Variants in FAM163B observed in about 807,000 individuals in gnomAD.
FAM163B encodes the protein protein FAM163B.
Under a neutral mutation model 7.6 loss-of-function variants are expected in FAM163B, and 4 were observed. The observed-to-expected ratio is 0.52, with a 90% CI of 0.26 to 1.20. The LOEUF (loss-of-function observed/expected upper bound fraction) is 1.20. FAM163B is among the 50% of genes most tolerant of loss of function. The pLI, the probability that FAM163B is intolerant of heterozygous loss-of-function variation, is 0.14. For synonymous variants in FAM163B, 120 were observed against 111.6 expected, an observed-to-expected ratio of 1.07 and a Z score of -0.47; for missense variants, 250 against 243.0, an observed-to-expected ratio of 1.03 and a Z score of -0.19.
At chr9:133,593,175 C>T (rs1588329604) in intron 1 of FAM163B, among the ~76,000 whole-genome samples, 1 of 152,214 alleles carries the variant, frequency 6.6e-6, no homozygotes, top group Non-Finnish European at 1.5e-5. Context: ...GCCCATTCTG[C>T]AGATGAGCAA....
intron 1 of FAM163B, among the ~76,000 whole-genome samples, chr9:133,595,485 G>A (rs1831616485): frequency 1.3e-5 from 2 of 152,214 alleles, no homozygotes; most frequent in South Asian, 4.1e-4. Context: ...TGGTGCTGCT[G>A]GTGCGGCATC....
At chr9:133,580,522 C>T (rs1450124358) in intron 1 of FAM163B, among the ~76,000 whole-genome samples, 1 of 152,210 alleles carries the variant, frequency 6.6e-6, no homozygotes, top group Non-Finnish European at 1.5e-5. Context: ...CTTTTACAAG[C>T]GTGTCTCTCC....
At chr9:133,599,535 G>A (rs1278545152) in intron 1 of FAM163B, among the ~76,000 whole-genome samples, 2 of 152,044 alleles carry the variant, frequency 1.3e-5, no homozygotes, top group African/African-American at 2.4e-5. Context: ...ATGTGTCTGT[G>A]TGCATGTGTT....
chr9:133,580,261 G>T lies in FAM163B; in HGVS notation c.-23-15C>A. ...CCATCAACAGCCTGCAACACACGCC[G>T]CCAGCTTTAGAGCATCACGCTTCCT... On this transcript the variant is annotated splice_polypyrimidine_tract_variant and intron_variant, in intron 1 of 2. Transcript: ENST00000673969. 3.2e-6 allele frequency: 5 copies of T among 1,556,726 alleles called. No individual in the cohort carries two copies. Among genetic ancestry groups the T allele is most frequent in the Non-Finnish European group, 2.7e-6 (3 of 1,130,916 alleles).
At chr9:133,602,084 C>G (rs1317634009) in intron 1 of FAM163B, among the ~76,000 whole-genome samples, 1 of 151,980 alleles carries the variant, frequency 6.6e-6, no homozygotes, top group Non-Finnish European at 1.5e-5. Context: ...CCCCCGCCCC[C>G]CCAAACACAC....
intron 1 of FAM163B, among the ~76,000 whole-genome samples, chr9:133,599,228 T>A (rs547860265): frequency 6.6e-6 from 1 of 152,300 alleles, no homozygotes; most frequent in Non-Finnish European, 1.5e-5. Flanking sequence ...GACTCGGAAC[T>A]GCCATCCACT....
chr9:133,584,847 C>T (rs917619205), intron 1 of FAM163B, among the ~76,000 whole-genome samples: 2 of 152,210 alleles, frequency 1.3e-5, no homozygotes, highest in African/African-American at 4.8e-5. Context: ...GCTACTCTGC[C>T]GCCTGCTTGT....
At chr9:133,583,855 C>T (rs7860704) in intron 1 of FAM163B, among the ~76,000 whole-genome samples, 36,320 of 152,214 alleles carry the variant, frequency 0.24, 4,593 homozygotes, top group African/African-American at 0.31. Context: ...GGAGCAGCAA[C>T]GCCCGAGACG....
chr9:133,591,690 G>A (rs934771992), intron 1 of FAM163B, among the ~76,000 whole-genome samples: 11 of 152,200 alleles, frequency 7.2e-5, no homozygotes, highest in Non-Finnish European at 1.0e-4. Context: ...TGCAGCGGGC[G>A]CGGGGAGCAC....
At chr9:133,605,362 A>G (rs62575399) in intron 1 of FAM163B, among the ~76,000 whole-genome samples, 9,904 of 152,292 alleles carry the variant, frequency 0.065, 360 homozygotes, top group African/African-American at 0.079. Flanking sequence ...TTGTCCACTC[A>G]GCCACACTGC....
chr9:133,605,176 G>A (rs900764083), intron 1 of FAM163B, among the ~76,000 whole-genome samples: 4 of 152,238 alleles, frequency 2.6e-5, no homozygotes, highest in Admixed American at 6.5e-5. Flanking sequence ...AGAGGTTTTC[G>A]CTAGGGCTCT....
At chr9:133,607,516 G>T (rs148111493) in intron 1 of FAM163B, among the ~76,000 whole-genome samples, 34 of 152,324 alleles carry the variant, frequency 2.2e-4, no homozygotes, top group Non-Finnish European at 4.4e-4. Flanking sequence ...GTCCAGCAAT[G>T]CACCCTGGAG....
At chr9:133,607,562 G>GCA (rs1831805303) in intron 1 of FAM163B, among the ~76,000 whole-genome samples, 1 of 152,206 alleles carries the variant, frequency 6.6e-6, no homozygotes, top group South Asian at 2.1e-4. Flanking sequence ...GGGCACTGAG[G>GCA]CTGGGAGAGC....
intron 1 of FAM163B, among the ~76,000 whole-genome samples, chr9:133,588,997 C>T (rs1831495309): frequency 2.0e-5 from 3 of 152,056 alleles, no homozygotes; most frequent in Non-Finnish European, 4.4e-5. Context: ...GTTCAGGCCC[C>T]GTCTCTCTGT....
chr9:133,596,258 C>T (rs950108727), intron 1 of FAM163B, among the ~76,000 whole-genome samples: 1 of 152,134 alleles, frequency 6.6e-6, no homozygotes, highest in African/African-American at 2.4e-5. Context: ...GGGGAGCCCC[C>T]GAGTTTGCCA....
intron 2 of FAM163B, 86 bp downstream of exon 2, chr9:133,580,045 G>T: frequency 8.6e-7 from 1 of 1,160,410 alleles, no homozygotes; most frequent in Non-Finnish European, 1.3e-6. Flanking sequence ...CGTGACCCTT[G>T]TGACCTTCAG....
At chr9:133,588,599 G>A (rs796401131) in intron 1 of FAM163B, among the ~76,000 whole-genome samples, 20 of 718 alleles carry the variant, frequency 0.028, no homozygotes, top group East Asian at 0.25. Flanking sequence ...AGCATGTTGA[G>A]GGATCTAGGA....
chr9:133,600,927 A>C lies in FAM163B; in HGVS notation c.-24+8150T>G, dbSNP rs66879393. ...CTCCCTTGGTAGGGGGTAGGGGGGG[A>C]GCTTCATTGCCTCGAGTTCCTGGCT... On this transcript the variant is annotated intron_variant, in intron 1 of 2. Transcript: ENST00000673969. This position sits in a 1 kb window ranked among gnomAD's most constrained non-coding sequence, Gnocchi z 4.9. Among the ~76,000 whole-genome samples the C allele has an allele frequency of 0.22, 33,645 of 151,494 alleles. 4,410 individuals carry two copies. Among genetic ancestry groups the C allele is most frequent in the East Asian group, 0.4 (2,038 of 5,112 alleles).
At chr9:133,593,912 G>A (rs1240730798) in intron 1 of FAM163B, among the ~76,000 whole-genome samples, 1 of 152,060 alleles carries the variant, frequency 6.6e-6, no homozygotes, top group Non-Finnish European at 1.5e-5. Context: ...GAGCTCCAGG[G>A]CAGGCCCGTC....
Sources: gnomAD v4.1 joint callset for allele counts (sites outside exome capture counted in the v4.1 genomes callset) on GRCh38, gnomAD v4.1.1 for gene constraint, Gnocchi (gnomAD v3.1) non-coding constraint, MANE v1.5 for transcripts, NCBI Gene and HGNC (gene_info 2026-07-23, HGNC 2026-07-21) for gene names.